Variants in IRAK1BP1 observed in about 807,000 individuals in gnomAD.
The protein encoded by IRAK1BP1 is interleukin 1 receptor associated kinase 1 binding protein 1, also known as interleukin-1 receptor-associated kinase 1-binding protein 1.
In IRAK1BP1, 24 loss-of-function variants were observed where a neutral mutation model predicts 28.0. That is an observed-to-expected ratio of 0.86 (90% confidence interval 0.62 to 1.20). The LOEUF (loss-of-function observed/expected upper bound fraction) is 1.20. Ranked by LOEUF, IRAK1BP1 falls within the 50% of genes most tolerant of loss-of-function variation. The pLI is 0.00. For synonymous variants in IRAK1BP1, 131 were observed against 116.3 expected (o/e 1.13, Z -0.81); for missense variants, 336 against 316.7 (o/e 1.06, Z -0.46).
At chr6:78,945,728 C>T (rs889849169) in exon 5 of IRAK1BP1, 13 of 601,366 alleles carry the variant, frequency 2.2e-5, no homozygotes, top group Admixed American at 7.8e-5. Context: ...GAAGGCAAGT[C>T]TTGGCAAATT....
chr6:78,955,776 G>T, the IRAK1BP1 span: 1 of 514,906 alleles, frequency 1.9e-6, no homozygotes, highest in African/African-American at 2.0e-5. Flanking sequence ...TAAGGTAAAA[G>T]TTGAAGCTGA....
exon 5 of IRAK1BP1, chr6:78,945,831 T>A: frequency 1.6e-6 from 1 of 625,216 alleles, no homozygotes; most frequent in Non-Finnish European, 2.8e-6. Context: ...TAAACCTCAA[T>A]TTAATTCTTC....
the IRAK1BP1 span, among the ~76,000 whole-genome samples, chr6:78,972,299 A>G: frequency 6.6e-6 from 1 of 152,182 alleles, no homozygotes; most frequent in Non-Finnish European, 1.5e-5. Context: ...GTACTCCAAC[A>G]GACCTGCAGC....
At chr6:78,941,353 T>A (rs752666413) in intron 4 of IRAK1BP1, 3 of 1,569,248 alleles carry the variant, frequency 1.9e-6, no homozygotes, top group Non-Finnish European at 2.6e-6. Flanking sequence ...AACAGTACAC[T>A]TAATATATGG....
intron 4 of IRAK1BP1, among the ~76,000 whole-genome samples, chr6:78,918,236 G>T (rs1022936834): frequency 1.3e-5 from 2 of 152,096 alleles, no homozygotes; most frequent in African/African-American, 4.8e-5. Flanking sequence ...GTTTGAGGCT[G>T]CAGTGAGCCA....
chr6:78,940,361 C>G (rs1430048629), intron 4 of IRAK1BP1: 3 of 151,490 alleles, frequency 2.0e-5, no homozygotes, highest in African/African-American at 7.3e-5. Flanking sequence ...GCAGAATTGT[C>G]TTTTCTATAA....
the IRAK1BP1 span, chr6:78,970,182 G>T: frequency 6.2e-7 from 1 of 1,607,860 alleles, no homozygotes; most frequent in South Asian, 1.1e-5. Context: ...TCCTGAGAGA[G>T]ACAGAGAATA....
chr6:78,963,245 A>G, the IRAK1BP1 span: 1 of 1,600,378 alleles, frequency 6.2e-7, no homozygotes, highest in South Asian at 1.1e-5. Context: ...GTTCTTCAGG[A>G]AATACAGCTG....
chr6:78,954,919 G>GT, the IRAK1BP1 span: 2 of 1,583,030 alleles, frequency 1.3e-6, no homozygotes, highest in South Asian at 1.2e-5. Flanking sequence ...CTTGAATATC[G>GT]TAAGACTGGG....
At chr6:78,884,892 A>T (rs575301145) in intron 1 of IRAK1BP1, among the ~76,000 whole-genome samples, 1 of 152,214 alleles carries the variant, frequency 6.6e-6, no homozygotes, top group East Asian at 1.9e-4. Flanking sequence ...GAAATAGTTT[A>T]AAATGGAATA....
chr6:78,872,017 T>C (rs537043736), intron 1 of IRAK1BP1: 25 of 624,778 alleles, frequency 4.0e-5, no homozygotes, highest in African/African-American at 3.9e-4. Context: ...GGAATTAAAG[T>C]CCTCTCCCCC....
intron 4 of IRAK1BP1, among the ~76,000 whole-genome samples, chr6:78,944,889 G>T (rs1773716704): frequency 6.6e-6 from 1 of 152,162 alleles, no homozygotes; most frequent in Admixed American, 6.5e-5. Context: ...AACTTGAAGT[G>T]TAACAGTAAG....
Position 78,900,529 on chromosome 6 carries a change from T to C in IRAK1BP1, c.*2195T>C, listed in dbSNP as rs1352911868. ...GAAGAGTTTGAGTTCAACACCATTA[T>C]ATCCAAATCCTGACCTTACTACTGG... On this transcript the variant is annotated 3_prime_UTR_variant, in exon 4 of 4. Transcript: ENST00000369940. 1.3e-5 allele frequency: 2 copies of C among 152,218 alleles called. No homozygotes were observed. Among genetic ancestry groups the C allele is most frequent in the Non-Finnish European group, 2.9e-5 (2 of 68,044 alleles). 9.4% of individuals were successfully genotyped at this position (152,218 alleles called of 1,614,324 possible). A position where few individuals can be genotyped will look rare whatever the true frequency, so the allele number is the denominator to read the frequency against.
chr6:78,968,785 A>G, the IRAK1BP1 span, among the ~76,000 whole-genome samples: 1 of 152,182 alleles, frequency 6.6e-6, no homozygotes, highest in Non-Finnish European at 1.5e-5. Context: ...ATTTACAATT[A>G]AATCTTCCCA....
At chr6:78,941,459 G>A in intron 4 of IRAK1BP1, 1 of 572,200 alleles carries the variant, frequency 1.7e-6, no homozygotes, top group Non-Finnish European at 3.0e-6. Flanking sequence ...ATTAAAATGA[G>A]AAAAAAGAAC....
chr6:78,940,640 T>C, intron 4 of IRAK1BP1: 3 of 1,178,256 alleles, frequency 2.5e-6, no homozygotes, highest in East Asian at 6.3e-5. Context: ...GTTCTACTTA[T>C]TCCTTAACTG....
At chr6:78,891,660 C>G (rs1482488781) in intron 2 of IRAK1BP1, among the ~76,000 whole-genome samples, 2 of 152,108 alleles carry the variant, frequency 1.3e-5, no homozygotes, top group African/African-American at 4.8e-5. Context: ...CGGGTTTTCA[C>G]CATGTTGGCC....
chr6:78,894,543 A>G (rs946404701), intron 2 of IRAK1BP1, among the ~76,000 whole-genome samples: 1 of 152,214 alleles, frequency 6.6e-6, no homozygotes, highest in South Asian at 2.1e-4. Context: ...ATATTTATAC[A>G]TATAATAAAG....
intron 4 of IRAK1BP1, among the ~76,000 whole-genome samples, chr6:78,932,011 A>G (rs565236876): frequency 5.2e-4 from 79 of 152,322 alleles, no homozygotes; most frequent in African/African-American, 1.7e-3. Context: ...CTTTGTTGTC[A>G]TTTCAACAAT....
Sources: allele counts gnomAD v4.1 joint callset (sites outside exome capture counted in the v4.1 genomes callset), GRCh38; gene constraint gnomAD v4.1.1; transcripts MANE v1.5; gene names NCBI Gene and HGNC (gene_info 2026-07-23, HGNC 2026-07-21).